CENPE: variants seen among roughly 807,000 people sequenced by gnomAD.
CENPE encodes centromere protein E, also known as centromere-associated protein E.
Under a neutral mutation model 336.1 loss-of-function variants are expected in CENPE, and 145 were observed. The ratio of observed to expected loss-of-function variants is 0.43; its 90% CI spans 0.38 to 0.50. CENPE has a LOEUF of 0.50. Among genes scored for constraint, CENPE ranks in the 20% least tolerant of loss-of-function variants. The pLI is 0.00. For missense variants in CENPE, 2,719 were observed against 3,023.3 expected (o/e 0.90, Z 2.36); for synonymous variants, 1,013 against 984.8 (o/e 1.03, Z -0.54).
intron 16 of CENPE, among the ~76,000 whole-genome samples, chr4:103,173,048 C>T (rs1466765354): frequency 6.6e-6 from 1 of 152,000 alleles, no homozygotes; most frequent in Non-Finnish European, 1.5e-5. Flanking sequence ...CCCTGTATAG[C>T]CAAAGCAATC....
intron 16 of CENPE, among the ~76,000 whole-genome samples, chr4:103,169,655 G>T (rs138320655): frequency 1.3e-5 from 2 of 152,168 alleles, no homozygotes; most frequent in Non-Finnish European, 2.9e-5. Flanking sequence ...AGAGGATGTG[G>T]AGAAATAGGA....
Position 103,160,664 on chromosome 4 carries a change from C to T in CENPE, c.2247G>A (p.Leu749=). Residue 749 remains leucine (L), a synonymous_variant, in exon 21 of 49, where the codon TTG becomes TTA. Coordinates refer to ENST00000265148, the MANE Select transcript of CENPE (RefSeq NM_001813.3). ...LREEVILLSE[L]KSLPSEVERL... ...TTTCTACTTCAGAAGGTAAAGATTTCAATTCTGAAAGCAAAATGACTTCTT... is the reference window on the plus strand; with the variant it reads ...TTTCTACTTCAGAAGGTAAAGATTTTAATTCTGAAAGCAAAATGACTTCTT... 1.9e-6 allele frequency: 3 copies of T among 1,610,818 alleles called. No homozygotes were observed. Among genetic ancestry groups the T allele is most frequent in the Non-Finnish European group, 2.5e-6 (3 of 1,178,404 alleles).
rs1285914579 is a variant in CENPE at position 103,146,069 on chromosome 4, A to G, written c.4173T>C (p.Asn1391=). ...TAGTTTCATTGTCTTTTTCTTTCATATTTAAGGACTGTTCTTGTTTGCTTT... is the reference window on the plus strand; with the variant it reads ...TAGTTTCATTGTCTTTTTCTTTCATGTTTAAGGACTGTTCTTGTTTGCTTT... The part of the protein sequence containing the change: ...ESQSKQEQSL[N]MKEKDNETTK... The change falls in exon 30 of 49, where the codon AAT becomes AAC. Residue 1391 remains asparagine (N), a synonymous_variant. Transcript: ENST00000265148. The G allele has an allele frequency of 1.2e-6, 2 of 1,613,528 alleles. No homozygotes were observed. The highest frequency in any genetic ancestry group is 2.7e-5 in the African/African-American group (2 of 74,836).
At chr4:103,163,976 C>T (rs1030719754) in intron 16 of CENPE, among the ~76,000 whole-genome samples, 2 of 152,066 alleles carry the variant, frequency 1.3e-5, no homozygotes, top group Non-Finnish European at 2.9e-5. Context: ...AAAGTTTTTT[C>T]TTCCCATAAA....
intron 21 of CENPE, 87 bp from the exon 22 acceptor site, chr4:103,159,411 A>C: frequency 1.2e-6 from 1 of 807,886 alleles, no homozygotes; most frequent in Non-Finnish European, 1.8e-6. Context: ...CTCTGCAAAA[A>C]GAGAAGTTAT....
Position 103,136,131 on chromosome 4 carries a change from A to G in CENPE, c.6522+10T>C. 6.3e-7 allele frequency: 1 copy of G among 1,599,910 alleles called. No individual in the cohort carries two copies. Among genetic ancestry groups the G allele is most frequent in the Non-Finnish European group, 8.5e-7 (1 of 1,172,162 alleles). Reference sequence around the variant, plus strand: ...AATATTTAAAAGGATATTACTAAAAAAGATGGTACCTTCAGTTTCTTCATG... The same window carrying G: ...AATATTTAAAAGGATATTACTAAAAGAGATGGTACCTTCAGTTTCTTCATG... On this transcript the variant is annotated intron_variant, in intron 40 of 48. Transcript: ENST00000265148.
At chr4:103,132,622 T>C in intron 42 of CENPE, 71 bp downstream of exon 42, 2 of 700,534 alleles carry the variant, frequency 2.9e-6, no homozygotes, top group Non-Finnish European at 2.3e-6. Context: ...TAAGTTGCCC[T>C]TTTAAGAATG....
chr4:103,192,271 T>C (rs920474210), intron 8 of CENPE, among the ~76,000 whole-genome samples: 1 of 152,070 alleles, frequency 6.6e-6, no homozygotes, highest in African/African-American at 2.4e-5. Flanking sequence ...AAGGGCAAAG[T>C]GGTAATGAAG....
At position 103,175,965 on chromosome 4, in the gene CENPE, T is replaced by C. The variant is rs755635255; in HGVS notation, c.1474A>G (p.Asn492Asp). The C allele has an allele frequency of 3.8e-6, 6 of 1,580,348 alleles. No homozygotes were observed. The African/African-American group carries it at 8.1e-5, about 21-fold the overall frequency. ...TGTAAAATACATTAAGTTACCTGAT[T>C]TAGTAGCTTTGTTGCTGGATTCCAT... ...IEWNPATKLL[N>D]QENIESELNS... The change falls in exon 15 of 49, where the codon AAT becomes GAT. Residue 492 changes from asparagine to aspartate, a missense_variant. Physicochemically the swap from Asn to Asp is conservative, Grantham distance 23. Around this residue, in one of 5 missense-constraint regions of CENPE, gnomAD observed 2,437 missense variants for 2,513.3 expected, o/e 0.97. Transcript: ENST00000265148.
rs781062773 is a variant in CENPE, at chr4:103,140,274, TTTTGA to T, written c.5890_5894del (p.Ser1964ArgfsTer2). On this transcript the variant is annotated frameshift_variant, in exon 37 of 49. Coordinates refer to ENST00000265148, the MANE Select transcript of CENPE (RefSeq NM_001813.3). LOFTEE classifies it high-confidence loss of function. Reference sequence around the variant, plus strand: ...CACATACCTTTTTCTGTAATTCATCTTTTGATTTATCTAAATCCTTTTGAATGTCT... The same window carrying T: ...CACATACCTTTTTCTGTAATTCATCTTTTATCTAAATCCTTTTGAATGTCT... 1.9e-6 allele frequency: 3 copies of T among 1,594,460 alleles called. No individual in the cohort carries two copies. Among genetic ancestry groups the T allele is most frequent in the Non-Finnish European group, 2.6e-6 (3 of 1,173,892 alleles).
intron 8 of CENPE, among the ~76,000 whole-genome samples, chr4:103,192,318 T>G (rs944759827): frequency 6.6e-6 from 1 of 152,106 alleles, no homozygotes; most frequent in Non-Finnish European, 1.5e-5. Flanking sequence ...GAACAAGCAT[T>G]CATATTCAAA....
intron 28 of CENPE, among the ~76,000 whole-genome samples, chr4:103,148,241 AG>A (rs1179145448): frequency 6.6e-6 from 1 of 152,184 alleles, no homozygotes; most frequent in African/African-American, 2.4e-5. Flanking sequence ...TTTCTCCACT[AG>A]TTTCCAAGCT....
At chr4:103,181,495 T>C in intron 11 of CENPE, 39 bp from the exon 12 acceptor site, 1 of 1,514,090 alleles carries the variant, frequency 6.6e-7, no homozygotes, top group Non-Finnish European at 8.8e-7. Flanking sequence ...GTTCAACACT[T>C]AAAAAAATTC....
At chr4:103,137,195 G>GA (rs11415771) in intron 39 of CENPE, among the ~76,000 whole-genome samples, 53,473 of 151,806 alleles carry the variant, frequency 0.35, 9,617 homozygotes, top group Middle Eastern at 0.48. Context: ...CCTTTCTGAG[G>GA]AAGGCAGTTT....
At chr4:103,122,209 G>C (rs923916399) in intron 43 of CENPE, among the ~76,000 whole-genome samples, 1 of 152,108 alleles carries the variant, frequency 6.6e-6, no homozygotes, top group Admixed American at 6.5e-5. Context: ...TAAGCTGGTG[G>C]TTGATGTTTT....
At chr4:103,178,981 T>G (rs1253723073) in intron 13 of CENPE, among the ~76,000 whole-genome samples, 5 of 152,212 alleles carry the variant, frequency 3.3e-5, no homozygotes, top group Non-Finnish European at 5.9e-5. Flanking sequence ...ATTTGCATTT[T>G]CAACAGCCTG....
chr4:103,136,286 T>C lies in CENPE; in HGVS notation c.6377A>G (p.Lys2126Arg), dbSNP rs771470757. The C allele has an allele frequency of 1.3e-5, 21 of 1,613,556 alleles. No homozygotes were observed. The highest frequency in any genetic ancestry group is 1.8e-5 in the Non-Finnish European group (21 of 1,179,784). The change falls in exon 40 of 49, where the codon AAG (lysine) becomes AGG (arginine). Residue 2126 changes from lysine (K) to arginine (R), a missense_variant. Coordinates refer to ENST00000265148, the MANE Select transcript of CENPE (RefSeq NM_001813.3). ...CLNRLSLDLE[K>R]EIEFQKELSM... The stretch of plus-strand genomic sequence containing the variant: ...AAGCTCTTTTTGGAATTCAATTTCC[T>C]TCTCCAAGTCAAGAGACAATCTATT...
intron 25 of CENPE, among the ~76,000 whole-genome samples, chr4:103,152,606 G>A (rs1753649761): frequency 6.6e-6 from 1 of 152,090 alleles, no homozygotes; most frequent in Non-Finnish European, 1.5e-5. Flanking sequence ...GCCAAATACT[G>A]AACGGAACCC....
intron 43 of CENPE, among the ~76,000 whole-genome samples, chr4:103,122,405 G>A (rs1031912861): frequency 5.9e-5 from 9 of 152,202 alleles, no homozygotes; most frequent in East Asian, 5.8e-4. Flanking sequence ...GTTAACCTGC[G>A]TAACAATCTT....
Sources: gnomAD v4.1 joint callset for allele counts (sites outside exome capture counted in the v4.1 genomes callset) on GRCh38, gnomAD v4.1.1 for gene constraint, gnomAD v4.1.1 regional missense constraint, MANE v1.5 for transcripts, NCBI Gene and HGNC (gene_info 2026-07-23, HGNC 2026-07-21) for gene names.